Variants in BCR observed in about 807,000 individuals in gnomAD.
BCR encodes the protein BCR activator of RhoGEF and GTPase.
BCR carries 58 observed loss-of-function variants against 138.6 expected under a neutral mutation model. The ratio of observed to expected loss-of-function variants is 0.42; its 90% CI spans 0.34 to 0.52. The LOEUF (loss-of-function observed/expected upper bound fraction) is 0.52, where lower values mean the gene tolerates loss of function less well. BCR is among the 20% of genes least tolerant of loss of function. The pLI, the probability that BCR is intolerant of heterozygous loss-of-function variation, is 0.06. For missense variants in BCR, 1,599 were observed against 1,727.2 expected (o/e 0.93, Z 1.32); for synonymous variants, 786 against 730.1 (o/e 1.08, Z -1.23).
At chr22:23,279,674 T>TGGCA (rs1226376882) in intron 8 of BCR, among the ~76,000 whole-genome samples, 1 of 152,254 alleles carries the variant, frequency 6.6e-6, no homozygotes, top group Non-Finnish European at 1.5e-5. Flanking sequence ...TGGGCTTCTT[T>TGGCA]GGCAACTTTT....
At chr22:23,215,566 G>A (rs1328745646) in intron 1 of BCR, among the ~76,000 whole-genome samples, 2 of 152,232 alleles carry the variant, frequency 1.3e-5, no homozygotes, top group Non-Finnish European at 1.5e-5. Context: ...CTGGGAAGTG[G>A]TGAGCCTCAG....
chr22:23,240,916 C>T (rs764111932), intron 1 of BCR, among the ~76,000 whole-genome samples: 13 of 152,160 alleles, frequency 8.5e-5, no homozygotes, highest in Admixed American at 2.0e-4. Flanking sequence ...ACCTCATATA[C>T]GTGGAATCTT....
chr22:23,303,319 G>A (rs145066914), intron 16 of BCR, among the ~76,000 whole-genome samples: 2 of 152,324 alleles, frequency 1.3e-5, no homozygotes, highest in African/African-American at 4.8e-5. Context: ...CACAGGGGAC[G>A]TGATGGGAGT....
At chr22:23,232,351 C>T (rs2072968622) in intron 1 of BCR, among the ~76,000 whole-genome samples, 1 of 152,228 alleles carries the variant, frequency 6.6e-6, no homozygotes, top group East Asian at 1.9e-4. Flanking sequence ...GCTAAGGTCA[C>T]CCACCTGGGC....
At chr22:23,196,048 T>C (rs2072477373) in intron 1 of BCR, among the ~76,000 whole-genome samples, 1 of 152,188 alleles carries the variant, frequency 6.6e-6, no homozygotes, top group Admixed American at 6.5e-5. Flanking sequence ...CCATGATCCC[T>C]TCTCTCTCCT....
At chr22:23,190,805 G>C (rs2072403435) in intron 1 of BCR, among the ~76,000 whole-genome samples, 1 of 152,170 alleles carries the variant, frequency 6.6e-6, no homozygotes, top group African/African-American at 2.4e-5. Context: ...CAGGCATCAG[G>C]AGGGCTGCGT....
chr22:23,305,574 C>G (rs971476641), intron 16 of BCR, among the ~76,000 whole-genome samples: 1 of 152,204 alleles, frequency 6.6e-6, no homozygotes, highest in Non-Finnish European at 1.5e-5. Context: ...CAGCACCTGC[C>G]CCAGTTGGGC....
chr22:23,256,476 C>A (rs900185615), intron 2 of BCR, among the ~76,000 whole-genome samples: 1 of 152,154 alleles, frequency 6.6e-6, no homozygotes, highest in Non-Finnish European at 1.5e-5. Context: ...AGCCCCTTGC[C>A]CTCTGGTATG....
intron 1 of BCR, among the ~76,000 whole-genome samples, chr22:23,207,330 T>C (rs1403781093): frequency 6.6e-6 from 1 of 152,134 alleles, no homozygotes; most frequent in Non-Finnish European, 1.5e-5. Flanking sequence ...GATGGCCCAT[T>C]AGTTGGATCT....
intron 2 of BCR, among the ~76,000 whole-genome samples, chr22:23,257,247 C>T (rs2073304548): frequency 6.6e-6 from 1 of 152,162 alleles, no homozygotes; most frequent in South Asian, 2.1e-4. Flanking sequence ...TGTCTCCACC[C>T]CACCCCGTCC....
At chr22:23,280,412 A>T (rs768332853) in intron 8 of BCR, among the ~76,000 whole-genome samples, 3 of 152,118 alleles carry the variant, frequency 2.0e-5, no homozygotes, top group Non-Finnish European at 4.4e-5. Context: ...AATCAGGGTT[A>T]TGGTGCCTGC....
intron 22 of BCR, 29 bp from the exon 23 acceptor site, chr22:23,315,404 C>G (rs1168292218): frequency 1.9e-6 from 3 of 1,609,514 alleles, no homozygotes; most frequent in Admixed American, 1.7e-5. Flanking sequence ...CTCTGAGCCA[C>G]TCTTCTCTTC....
chr22:23,182,680 G>C (rs897478858), intron 1 of BCR, among the ~76,000 whole-genome samples: 4 of 152,134 alleles, frequency 2.6e-5, no homozygotes, highest in Non-Finnish European at 4.4e-5. Context: ...GGCATTCCCC[G>C]CCACCCCACT....
At chr22:23,297,207 G>GTTTTGT (rs2073854485) in intron 16 of BCR, among the ~76,000 whole-genome samples, 3 of 97,382 alleles carry the variant, frequency 3.1e-5, no homozygotes, top group African/African-American at 1.5e-4. Flanking sequence ...TGGCTAAGTT[G>GTTTTGT]TTTTTTGTTT....
At chr22:23,297,367 C>CA (rs1253957218) in intron 16 of BCR, among the ~76,000 whole-genome samples, 1 of 152,046 alleles carries the variant, frequency 6.6e-6, no homozygotes, top group Non-Finnish European at 1.5e-5. Context: ...AGGCCTGAGC[C>CA]ACTGTGCCTG....
chr22:23,183,436 C>T (rs2146192102), intron 1 of BCR, among the ~76,000 whole-genome samples: 1 of 152,304 alleles, frequency 6.6e-6, no homozygotes, highest in East Asian at 1.9e-4. Flanking sequence ...GCACTCTGTC[C>T]TGTTTGTGTT....
In BCR at chr22:23,213,428, G is replaced by A. The variant is rs745753232; in HGVS notation, c.1279+31189G>A. ...CACAGCAGCTATGGGCTCAAATTCC[G>A]GAGGGACGCTGAGCCAGGTCCCAGC... On this transcript the variant is annotated intron_variant, in intron 1 of 22. Transcript: ENST00000305877. 2.0e-5 allele frequency among the ~76,000 whole-genome samples: 3 copies of A among 152,192 alleles called. No homozygotes were observed. The South Asian group carries it at 6.2e-4, about 31-fold the overall frequency.
intron 1 of BCR, among the ~76,000 whole-genome samples, chr22:23,183,522 C>G (rs1396352698): frequency 6.6e-6 from 1 of 152,178 alleles, no homozygotes; most frequent in Non-Finnish European, 1.5e-5. Flanking sequence ...GCCGTCTGGC[C>G]GGGCTGCATT....
rs2074026921 is a variant in BCR, at chr22:23,313,130, C to A, written c.3457+109C>A. The A allele has an allele frequency of 5.1e-6, 7 of 1,370,828 alleles. No homozygotes were observed. In the South Asian group the frequency reaches 7.9e-5, roughly 15 times the overall value. 84.9% of individuals were successfully genotyped at this position (1,370,828 alleles called of 1,614,324 possible). A position where few individuals can be genotyped will look rare whatever the true frequency, so the allele number is the denominator to read the frequency against. Reference sequence around the variant, plus strand: ...GGGAACCCAAGCTGTGCCCCCTCTGCCATGGTCGGCATTTTAACCCAACCT... The same window carrying A: ...GGGAACCCAAGCTGTGCCCCCTCTGACATGGTCGGCATTTTAACCCAACCT... On this transcript the variant is annotated intron_variant, in intron 20 of 22. Coordinates refer to ENST00000305877, the MANE Select transcript of BCR (RefSeq NM_004327.4).
Sources: allele counts gnomAD v4.1 joint callset (sites outside exome capture counted in the v4.1 genomes callset), GRCh38; gene constraint gnomAD v4.1.1; transcripts MANE v1.5; gene names NCBI Gene and HGNC (gene_info 2026-07-23, HGNC 2026-07-21).